The following PLXDC2 variants were observed in gnomAD, a reference collection of about 807,000 sequenced individuals.
The protein encoded by PLXDC2 is plexin domain containing 2.
PLXDC2 carries 40 observed loss-of-function variants against 68.9 expected under a neutral mutation model. The ratio of observed to expected loss-of-function variants is 0.58; its 90% CI spans 0.45 to 0.76. The LOEUF (loss-of-function observed/expected upper bound fraction) is 0.76, where lower values mean the gene tolerates loss of function less well. Ranked by LOEUF, PLXDC2 falls within the 30% of genes least tolerant of loss-of-function variation. The probability of loss-of-function intolerance (pLI) is 0.00; values close to 1 mark genes in which losing one functional copy is unlikely to be tolerated. For synonymous variants in PLXDC2, 243 were observed against 234.2 expected (o/e 1.04, Z -0.34); for missense variants, 644 against 661.9 (o/e 0.97, Z 0.30).
intron 5 of PLXDC2, among the ~76,000 whole-genome samples, chr10:20,146,626 A>G (rs1224348654): frequency 6.6e-6 from 1 of 151,498 alleles, no homozygotes; most frequent in Admixed American, 6.6e-5. Flanking sequence ...AATGGCTAAA[A>G]GCACCAAGGT....
chr10:20,278,232 A>G (rs1038313086), intron 13 of PLXDC2, among the ~76,000 whole-genome samples: 1 of 152,180 alleles, frequency 6.6e-6, no homozygotes, highest in Non-Finnish European at 1.5e-5. Context: ...ATTTCAGAAC[A>G]AAATCTCATT....
chr10:20,224,314 A>G (rs988727060), intron 12 of PLXDC2, among the ~76,000 whole-genome samples: 1 of 152,104 alleles, frequency 6.6e-6, no homozygotes, highest in Non-Finnish European at 1.5e-5. Context: ...TAATGGTTAT[A>G]TGCATTTACA....
chr10:20,064,159 A>T (rs1836154135), intron 3 of PLXDC2, among the ~76,000 whole-genome samples: 1 of 150,766 alleles, frequency 6.6e-6, no homozygotes, highest in Non-Finnish European at 1.5e-5. Flanking sequence ...AAAGGATGAA[A>T]TCCAAGAGCA....
chr10:19,925,869 C>T (rs78345473), intron 1 of PLXDC2, among the ~76,000 whole-genome samples: 5,615 of 152,214 alleles, frequency 0.037, 207 homozygotes, highest in East Asian at 0.16. Flanking sequence ...TCTGAGAATG[C>T]GTGCAGTCTG....
At chr10:19,825,867 G>T (rs1471312133) in intron 1 of PLXDC2, among the ~76,000 whole-genome samples, 2 of 152,100 alleles carry the variant, frequency 1.3e-5, no homozygotes, top group Non-Finnish European at 2.9e-5. Flanking sequence ...CTGTCTTTTT[G>T]TTCATTTGTC....
intron 1 of PLXDC2, among the ~76,000 whole-genome samples, chr10:19,992,992 A>G (rs1184348402): frequency 6.6e-6 from 1 of 152,172 alleles, no homozygotes; most frequent in African/African-American, 2.4e-5. Context: ...ACCTAGCCTC[A>G]CGACTCGGCT....
intron 6 of PLXDC2, among the ~76,000 whole-genome samples, chr10:20,162,979 G>T (rs1221855924): frequency 6.6e-6 from 1 of 151,706 alleles, no homozygotes; most frequent in African/African-American, 2.4e-5. Context: ...TATTTGGGAG[G>T]CTGAGGCATG....
chr10:19,852,906 T>C (rs537931941), intron 1 of PLXDC2, among the ~76,000 whole-genome samples: 8 of 152,220 alleles, frequency 5.3e-5, no homozygotes, highest in Non-Finnish European at 1.2e-4. Context: ...TCTAACTCAA[T>C]CATGTTCTTA....
intron 5 of PLXDC2, among the ~76,000 whole-genome samples, chr10:20,146,518 T>TCCTTCCTTCCTTCCTTCCTCCCTC (rs1217081598): frequency 8.6e-6 from 1 of 115,632 alleles, no homozygotes; most frequent in African/African-American, 3.5e-5. Context: ...CTTCCTTCCT[T>TCCTTCCTTCCTTCCTTCCTCCCTC]CCTCCCTCCC....
At chr10:20,162,841 A>C (rs189239023) in intron 6 of PLXDC2, among the ~76,000 whole-genome samples, 2 of 149,674 alleles carry the variant, frequency 1.3e-5, no homozygotes, top group Admixed American at 1.4e-4. Context: ...AGGTGGGTGG[A>C]TCACTTGAGG....
chr10:19,870,369 T>G (rs1437547386), intron 1 of PLXDC2, among the ~76,000 whole-genome samples: 1 of 152,166 alleles, frequency 6.6e-6, no homozygotes, highest in Non-Finnish European at 1.5e-5. Context: ...TGCAAATGCT[T>G]TTATCGTTTC....
At chr10:19,957,514 C>T (rs778154510) in intron 1 of PLXDC2, among the ~76,000 whole-genome samples, 7 of 152,030 alleles carry the variant, frequency 4.6e-5, no homozygotes, top group African/African-American at 1.2e-4. Flanking sequence ...CTTAATAATA[C>T]GCTGGAAATA....
chr10:19,996,328 C>T (rs991533682), intron 1 of PLXDC2, among the ~76,000 whole-genome samples: 4 of 152,120 alleles, frequency 2.6e-5, no homozygotes, highest in Non-Finnish European at 5.9e-5. Flanking sequence ...TGCCTGTAAT[C>T]ACAGCATTTT....
At chr10:20,269,700 C>T (rs767961706) in intron 13 of PLXDC2, among the ~76,000 whole-genome samples, 14 of 151,930 alleles carry the variant, frequency 9.2e-5, no homozygotes, top group Admixed American at 5.2e-4. Flanking sequence ...CTACAAGCAG[C>T]GAGAATCAGT....
At chr10:20,162,324 A>G (rs1409143633) in intron 6 of PLXDC2, among the ~76,000 whole-genome samples, 2 of 152,194 alleles carry the variant, frequency 1.3e-5, no homozygotes, top group African/African-American at 4.8e-5. Flanking sequence ...AGGATTTTCC[A>G]GTTGATAGCA....
chr10:19,952,271 G>T (rs191821402), intron 1 of PLXDC2, among the ~76,000 whole-genome samples: 207 of 152,142 alleles, frequency 1.4e-3, no homozygotes, highest in African/African-American at 4.7e-3. Context: ...CTCTCCGTCC[G>T]CTTGGCTACT....
At chr10:19,891,226 C>G (rs1051143603) in intron 1 of PLXDC2, among the ~76,000 whole-genome samples, 1 of 152,154 alleles carries the variant, frequency 6.6e-6, no homozygotes, top group East Asian at 1.9e-4. Flanking sequence ...CTTAGTATTT[C>G]TATTCTCTGG....
chr10:19,986,434 G>T (rs1331978383), intron 1 of PLXDC2, among the ~76,000 whole-genome samples: 2 of 151,176 alleles, frequency 1.3e-5, no homozygotes, highest in African/African-American at 4.9e-5. Context: ...GAATATTTTT[G>T]ACTTAATTTT....
chr10:19,883,930 C>T (rs1837789447), intron 1 of PLXDC2, among the ~76,000 whole-genome samples: 1 of 88,190 alleles, frequency 1.1e-5, no homozygotes, highest in South Asian at 4.6e-4. Flanking sequence ...GGATCTGACT[C>T]CTGCCCTGGC....
Sources: allele counts gnomAD v4.1 joint callset (sites outside exome capture counted in the v4.1 genomes callset), GRCh38; gene constraint gnomAD v4.1.1; transcripts MANE v1.5; gene names NCBI Gene and HGNC (gene_info 2026-07-23, HGNC 2026-07-21).